GRM8: variants seen among roughly 807,000 people sequenced by gnomAD.
GRM8 encodes metabotropic glutamate receptor 8.
A neutral mutation model predicts 87.2 loss-of-function variants in GRM8; 47 were observed. That is an observed-to-expected ratio of 0.54 (90% CI 0.43 to 0.69). The LOEUF (loss-of-function observed/expected upper bound fraction) is 0.69. Ranked by LOEUF, GRM8 falls within the 30% of genes least tolerant of loss-of-function variation. GRM8 has a pLI of 0.00. For missense variants in GRM8, 1,019 were observed against 1,139.2 expected, an observed-to-expected ratio of 0.89 and a Z score of 1.52; for synonymous variants, 396 against 404.5, an observed-to-expected ratio of 0.98 and a Z score of 0.25.
chr7:126,902,760 C>G, intron 5 of GRM8, 81 bp from the exon 6 acceptor site: 5 of 960,036 alleles, frequency 5.2e-6, no homozygotes, highest in Non-Finnish European at 7.6e-6. Context: ...ACATTATATT[C>G]TGATCACTGC....
At chr7:126,894,278 T>C (rs1480545129) in intron 6 of GRM8, among the ~76,000 whole-genome samples, 1 of 152,072 alleles carries the variant, frequency 6.6e-6, no homozygotes, top group Admixed American at 6.6e-5. Context: ...AGCCTTACCA[T>C]AGTTTTTCAA....
chr7:126,508,759 CAAAT>C (rs1179577511), intron 9 of GRM8, among the ~76,000 whole-genome samples: 6 of 152,086 alleles, frequency 3.9e-5, no homozygotes, highest in Middle Eastern at 3.4e-3. Flanking sequence ...GGTTGCCTCT[CAAAT>C]AAATAATCTA....
chr7:126,579,039 G>A (rs1454056968), intron 8 of GRM8, among the ~76,000 whole-genome samples: 1 of 152,018 alleles, frequency 6.6e-6, no homozygotes, highest in Non-Finnish European at 1.5e-5. Context: ...CGTAAAGTAG[G>A]TATGAAATGG....
chr7:126,544,509 A>T (rs974280331), intron 8 of GRM8, among the ~76,000 whole-genome samples: 7 of 151,788 alleles, frequency 4.6e-5, no homozygotes, highest in Admixed American at 4.6e-4. Flanking sequence ...AAGTTTATTT[A>T]TTATTATTAT....
chr7:126,577,479 C>T (rs569037816), intron 8 of GRM8, among the ~76,000 whole-genome samples: 18 of 151,876 alleles, frequency 1.2e-4, no homozygotes, highest in East Asian at 5.8e-4. Context: ...TCAAGGACAA[C>T]GAAATACAAA....
At chr7:126,448,758 C>T (rs1158039226) in intron 9 of GRM8, among the ~76,000 whole-genome samples, 1 of 151,994 alleles carries the variant, frequency 6.6e-6, no homozygotes, top group East Asian at 1.9e-4. Context: ...AGGCATCTAA[C>T]AAAATCCTTA....
At chr7:127,176,538 A>T (rs184249087) in intron 2 of GRM8, among the ~76,000 whole-genome samples, 1 of 152,284 alleles carries the variant, frequency 6.6e-6, no homozygotes, top group East Asian at 1.9e-4. Context: ...CACACTGTGA[A>T]TTTTAGCTCC....
At chr7:127,115,957 A>G (rs1826674103) in intron 2 of GRM8, among the ~76,000 whole-genome samples, 1 of 152,136 alleles carries the variant, frequency 6.6e-6, no homozygotes, top group Non-Finnish European at 1.5e-5. Flanking sequence ...ATCTCTATAA[A>G]ACATTAAAAA....
chr7:126,538,318 T>A (rs1161074258), intron 8 of GRM8, among the ~76,000 whole-genome samples: 1 of 152,156 alleles, frequency 6.6e-6, no homozygotes, highest in Non-Finnish European at 1.5e-5. Flanking sequence ...AAGAATATAA[T>A]TTTTAGAGAA....
intron 2 of GRM8, among the ~76,000 whole-genome samples, chr7:127,235,409 C>T (rs1251774181): frequency 2.0e-5 from 3 of 152,216 alleles, no homozygotes; most frequent in Admixed American, 1.3e-4. Flanking sequence ...TGTCTTACAG[C>T]AAGATGCTTT....
intron 8 of GRM8, among the ~76,000 whole-genome samples, chr7:126,578,916 C>T (rs1419497): frequency 0.31 from 46,969 of 151,972 alleles, 8,143 homozygotes; most frequent in East Asian, 0.44. Context: ...GCAAGGGTGA[C>T]AACCTTGTTG....
chr7:126,764,327 GT>G lies in GRM8; in HGVS notation c.1357+5537del, dbSNP rs377178208. Among the ~76,000 whole-genome samples, 306 of 151,814 alleles carry G rather than the reference GT, an allele frequency of 2.0e-3. 3 individuals are homozygous for G. Among genetic ancestry groups the G allele is most frequent in the Non-Finnish European group, 2.7e-3 (180 of 67,788 alleles). ...ATGTTAAATATTTGTTCGATTTCTA[GT>G]TTTTTTGTTTTGTATTTGTAACATA... On this transcript the variant is annotated intron_variant, in intron 7 of 10. Coordinates refer to ENST00000339582, the MANE Select transcript of GRM8 (RefSeq NM_000845.3).
intron 8 of GRM8, among the ~76,000 whole-genome samples, chr7:126,584,419 C>A (rs1161361603): frequency 6.6e-6 from 1 of 151,934 alleles, no homozygotes; most frequent in Non-Finnish European, 1.5e-5. Context: ...GAGACAGGGA[C>A]TCACCTTAAT....
chr7:126,881,648 A>C (rs1022619531), intron 6 of GRM8, among the ~76,000 whole-genome samples: 1 of 152,202 alleles, frequency 6.6e-6, no homozygotes, highest in African/African-American at 2.4e-5. Context: ...GGAGGATGGC[A>C]ATTTCTGAGA....
Position 126,533,249 on chromosome 7 carries a change from A to C in GRM8, c.2133T>G (p.Phe711Leu). ...SLISVQLLGV[F>L]VWFVVDPPHI... ...GGGGGGGATCCACAACAAACCAGAC[A>C]AACACTCCAAGGAGCTGGACGGAGA... The change falls in exon 9 of 11, where the codon TTT becomes TTG. Residue 711 changes from phenylalanine to leucine, a missense_variant. Coordinates refer to ENST00000339582, the MANE Select transcript of GRM8 (RefSeq NM_000845.3). The C allele has an allele frequency of 6.2e-7, 1 of 1,613,636 alleles. No homozygotes were observed. The highest frequency in any genetic ancestry group is 8.5e-7 in the Non-Finnish European group (1 of 1,179,924).
At chr7:127,103,652 T>A in intron 3 of GRM8, among the ~76,000 whole-genome samples, 1 of 152,228 alleles carries the variant, frequency 6.6e-6, no homozygotes, top group East Asian at 1.9e-4. Flanking sequence ...TTTGAAATAA[T>A]CATGTGTCTA....
intron 7 of GRM8, among the ~76,000 whole-genome samples, chr7:126,618,796 G>T (rs1008840163): frequency 2.0e-5 from 3 of 152,216 alleles, no homozygotes; most frequent in African/African-American, 7.2e-5. Flanking sequence ...CTGGCCATCA[G>T]AGAAATGCAA....
chr7:126,943,931 C>A (rs1243551339), intron 3 of GRM8, among the ~76,000 whole-genome samples: 1 of 152,176 alleles, frequency 6.6e-6, no homozygotes, highest in African/African-American at 2.4e-5. Context: ...GTTTCACCCA[C>A]GTGCTTGATG....
chr7:127,073,036 G>A (rs557248263), intron 3 of GRM8, among the ~76,000 whole-genome samples: 25 of 152,102 alleles, frequency 1.6e-4, no homozygotes, highest in African/African-American at 6.0e-4. Flanking sequence ...GAGGAGGGGA[G>A]AGAAAGTGAA....
Sources: allele counts gnomAD v4.1 joint callset (sites outside exome capture counted in the v4.1 genomes callset), GRCh38; gene constraint gnomAD v4.1.1; transcripts MANE v1.5; gene names NCBI Gene and HGNC (gene_info 2026-07-23, HGNC 2026-07-21).